Variants in MFAP3 observed in about 807,000 individuals in gnomAD.
MFAP3 encodes the protein microfibril associated protein 3, also known as microfibril-associated glycoprotein 3.
A neutral mutation model predicts 20.5 loss-of-function variants in MFAP3; 8 were observed. That is an observed-to-expected ratio of 0.39 (90% CI 0.23 to 0.70). MFAP3 has a LOEUF of 0.70. Among genes scored for constraint, MFAP3 ranks in the 30% least tolerant of loss-of-function variants. The pLI is 0.44. For synonymous variants in MFAP3, 140 were observed against 154.0 expected, an observed-to-expected ratio of 0.91 and a Z score of 0.67; for missense variants, 398 against 444.6, an observed-to-expected ratio of 0.90 and a Z score of 0.94.
At chr5:154,045,689 A>G (rs1354098286) in intron 1 of MFAP3, among the ~76,000 whole-genome samples, 1 of 152,162 alleles carries the variant, frequency 6.6e-6, no homozygotes, top group Non-Finnish European at 1.5e-5. Flanking sequence ...TATTTTGCCC[A>G]TTTTAAAGAT....
intron 1 of MFAP3, among the ~76,000 whole-genome samples, chr5:154,046,637 G>A (rs1436054747): frequency 1.3e-5 from 2 of 152,158 alleles, no homozygotes; most frequent in Admixed American, 6.5e-5. Context: ...GGAAGTTTGC[G>A]GGAAGGCAGA....
At chr5:154,048,140 A>G (rs114087865) in intron 1 of MFAP3, among the ~76,000 whole-genome samples, 1,795 of 152,304 alleles carry the variant, frequency 0.012, 42 homozygotes, top group African/African-American at 0.04. Context: ...ATCACTGTGC[A>G]CTGAATCAAT....
rs1387843244 is a variant in MFAP3, at chr5:154,057,441, C to T, written c.*3728C>T. 6.6e-6 allele frequency among the ~76,000 whole-genome samples: 1 copy of T among 152,036 alleles called. No homozygotes were observed. Among genetic ancestry groups the T allele is most frequent in the Non-Finnish European group, 1.5e-5 (1 of 68,008 alleles). On this transcript the variant is annotated 3_prime_UTR_variant, in exon 3 of 3. Coordinates refer to ENST00000522782, the MANE Select transcript of MFAP3 (RefSeq NM_005927.5). ...TTAAACGTTCAATGGAGTATATAGT[C>T]TATTTGAAATTTTCTATAGTGTATG...
Position 154,053,563 on chromosome 5 carries a change from A to C in MFAP3, c.939A>C (p.Ala313=). Residue 313 remains alanine (A), a synonymous_variant, in exon 3 of 3, where the codon GCA becomes GCC. Coordinates refer to ENST00000522782, the MANE Select transcript of MFAP3 (RefSeq NM_005927.5). ...GSLNEQGQEI[A]VQVSVHLQSE... ...TGAATGAACAAGGCCAGGAAATAGC[A>C]GTTCAGGTTTCTGTCCACCTTCAGT... 1 of 1,613,986 alleles carries C rather than the reference A, an allele frequency of 6.2e-7. No individual in the cohort carries two copies. The highest frequency in any genetic ancestry group is 8.5e-7 in the Non-Finnish European group (1 of 1,179,948).
rs774089662 is a variant in MFAP3 at position 154,053,370 on chromosome 5, G to A, written c.746G>A (p.Arg249Gln). The A allele has an allele frequency of 1.2e-6, 2 of 1,613,778 alleles. No individual in the cohort carries two copies. The highest frequency in any genetic ancestry group is 2.2e-5 in the East Asian group (1 of 44,882). ...VPLPPLILNCRAFVEEMFEAV... is the reference protein window; with the variant it reads ...VPLPPLILNCQAFVEEMFEAV... ...CTTCCACCTCTTATTCTAAACTGTCGAGCCTTTGTTGAGGAGATGTTTGAG... is the reference window on the plus strand; with the variant it reads ...CTTCCACCTCTTATTCTAAACTGTCAAGCCTTTGTTGAGGAGATGTTTGAG... Residue 249 changes from arginine to glutamine, a missense_variant, in exon 3 of 3, where the codon CGA becomes CAA. Arg to Gln is a conservative substitution (Grantham distance 43). Coordinates refer to ENST00000522782, the MANE Select transcript of MFAP3 (RefSeq NM_005927.5).
intron 1 of MFAP3, among the ~76,000 whole-genome samples, chr5:154,042,341 C>G (rs1405554826): frequency 6.6e-6 from 1 of 152,128 alleles, no homozygotes; most frequent in Non-Finnish European, 1.5e-5. Flanking sequence ...CTGAAATAAT[C>G]CTGGGTTTAA....
At position 154,053,113 on chromosome 5, in the gene MFAP3, C is replaced by T. The variant is rs749082055; in HGVS notation, c.489C>T (p.Leu163=). The T allele has an allele frequency of 8.7e-6, 14 of 1,613,760 alleles. No homozygotes were observed. The highest frequency in any genetic ancestry group is 1.1e-5 in the Non-Finnish European group (13 of 1,179,918). ...GCCTGATTGCCTTTACAATCACACT[C>T]ATCTTGAATGTCACACGGCTGTGCA... ...IVCLIAFTIT[L]ILNVTRLCMM... Residue 163 remains leucine, a synonymous_variant, in exon 3 of 3, where the codon CTC becomes CTT. Coordinates refer to ENST00000522782, the MANE Select transcript of MFAP3 (RefSeq NM_005927.5).
intron 1 of MFAP3, among the ~76,000 whole-genome samples, chr5:154,042,848 C>A (rs1240053857): frequency 1.3e-5 from 2 of 150,784 alleles, no homozygotes; most frequent in African/African-American, 4.9e-5. Context: ...AAAAAAAATA[C>A]CACCTGGGCA....
chr5:154,050,332 C>T (rs1290680330), intron 2 of MFAP3, among the ~76,000 whole-genome samples: 1 of 152,108 alleles, frequency 6.6e-6, no homozygotes, highest in Non-Finnish European at 1.5e-5. Context: ...TACAGCTGTA[C>T]AGGTGGTATA....
At chr5:154,046,695 A>G (rs1773078654) in intron 1 of MFAP3, among the ~76,000 whole-genome samples, 1 of 152,082 alleles carries the variant, frequency 6.6e-6, no homozygotes, top group Admixed American at 6.5e-5. Context: ...TGGTGAGGAC[A>G]CTCATTGCCC....
chr5:154,053,473 C>T lies in MFAP3; in HGVS notation c.849C>T (p.Ile283=). 6.2e-7 allele frequency: 1 copy of T among 1,613,868 alleles called. No individual in the cohort carries two copies. The highest frequency in any genetic ancestry group is 8.5e-7 in the Non-Finnish European group (1 of 1,179,948). The change falls in exon 3 of 3, where the codon ATC becomes ATT. Residue 283 remains isoleucine (I), a synonymous_variant. Transcript: ENST00000522782. ...CTGCCTTGAATGCTCAAGGTGGCAT[C>T]TATGTCATTAACCCAGAGATGGGAC... ...ERPALNAQGG[I]YVINPEMGRS... is the part of the protein sequence containing the mutation.
rs971051229 is a variant in MFAP3 at position 154,055,741 on chromosome 5, G to T, written c.*2028G>T. 2.0e-5 allele frequency among the ~76,000 whole-genome samples: 3 copies of T among 152,090 alleles called. No homozygotes were observed. The highest frequency in any genetic ancestry group is 4.4e-5 in the Non-Finnish European group (3 of 68,016). ...CTGCTTCAGCCTCCCAAGCAGCTAG[G>T]ACTACAGGTGTGCACCACCTTTCCT... On this transcript the variant is annotated 3_prime_UTR_variant, in exon 3 of 3. Transcript: ENST00000522782.
In MFAP3 at chr5:154,049,856, C is replaced by A; in HGVS notation, c.134C>A (p.Pro45His). ...ANRSSYNASF[P>H]SSFELSASSH... ...CGTAGTTCTTACAATGCATCCTTTCCCTCAAGCTTTGAACTCTCAGCAAGT... is the reference window on the plus strand; with the variant it reads ...CGTAGTTCTTACAATGCATCCTTTCACTCAAGCTTTGAACTCTCAGCAAGT... The change falls in exon 2 of 3, where the codon CCC becomes CAC. Residue 45 changes from proline (P) to histidine (H), a missense_variant. Transcript: ENST00000522782. The A allele has an allele frequency of 6.2e-7, 1 of 1,613,704 alleles. No individual in the cohort carries two copies. The highest frequency in any genetic ancestry group is 1.3e-5 in the African/African-American group (1 of 75,014).
rs774055709 is a variant in MFAP3, at chr5:154,049,843, A to G, written c.121A>G (p.Asn41Asp). 6.2e-7 allele frequency: 1 copy of G among 1,613,750 alleles called. No individual in the cohort carries two copies. The highest frequency in any genetic ancestry group is 1.7e-5 in the Admixed American group (1 of 59,972). Reference sequence around the variant, plus strand: ...ACTGGAAGCAAATCGTAGTTCTTACAATGCATCCTTTCCCTCAAGCTTTGA... The same window carrying G: ...ACTGGAAGCAAATCGTAGTTCTTACGATGCATCCTTTCCCTCAAGCTTTGA... ...VSLEANRSSY[N>D]ASFPSSFELS... Residue 41 changes from asparagine (N) to aspartate (D), a missense_variant, in exon 2 of 3, where the codon AAT becomes GAT. Physicochemically the swap from Asn to Asp is conservative, Grantham distance 23 (BLOSUM62 1). Transcript: ENST00000522782.
chr5:154,040,005 C>G (rs190381207), intron 1 of MFAP3, among the ~76,000 whole-genome samples: 1 of 152,070 alleles, frequency 6.6e-6, no homozygotes, highest in African/African-American at 2.4e-5. Context: ...ACAAAAAAAC[C>G]CCTGCTTAAA....
At position 154,050,031 on chromosome 5, in the gene MFAP3, G is replaced by A. The variant is rs766591869; in HGVS notation, c.295+14G>A. On this transcript the variant is annotated intron_variant, in intron 2 of 2. Coordinates refer to ENST00000522782, the MANE Select transcript of MFAP3 (RefSeq NM_005927.5). Reference sequence around the variant, plus strand: ...GCAGAAGCAGAGGTAATTGGTCAGGGTATAATTAATCAAGGTTACTCATTT... The same window carrying A: ...GCAGAAGCAGAGGTAATTGGTCAGGATATAATTAATCAAGGTTACTCATTT... 1.3e-6 allele frequency: 2 copies of A among 1,574,078 alleles called. No individual in the cohort carries two copies. The highest frequency in any genetic ancestry group is 4.5e-5 in the East Asian group (2 of 44,258).
rs548379599 is a variant in MFAP3, at chr5:154,054,075, A to G, written c.*362A>G. 4.9e-5 allele frequency: 10 copies of G among 204,558 alleles called. No individual in the cohort carries two copies. In the East Asian group the frequency reaches 1.3e-3, roughly 27 times the overall value. 12.7% of individuals were successfully genotyped at this position (204,558 alleles called of 1,614,324 possible). The stretch of plus-strand genomic sequence containing the variant: ...TTGGGACTTCAGTTTTTCCGTCAAT[A>G]AGATGAGGGATTAGGTGAGATCTGA... On this transcript the variant is annotated 3_prime_UTR_variant, in exon 3 of 3. Coordinates refer to ENST00000522782, the MANE Select transcript of MFAP3 (RefSeq NM_005927.5).
intron 1 of MFAP3, among the ~76,000 whole-genome samples, chr5:154,044,094 G>A (rs933898927): frequency 3.9e-5 from 6 of 152,200 alleles, no homozygotes; most frequent in African/African-American, 1.4e-4. Context: ...TTTCAAGCTG[G>A]TTTGTAAATT....
At chr5:154,043,262 A>C (rs569799714) in intron 1 of MFAP3, among the ~76,000 whole-genome samples, 4 of 152,296 alleles carry the variant, frequency 2.6e-5, no homozygotes, top group African/African-American at 9.6e-5. Context: ...GAAGAAAGGT[A>C]ATATAGGCTG....
Sources: gnomAD v4.1 joint callset for allele counts (sites outside exome capture counted in the v4.1 genomes callset) on GRCh38, gnomAD v4.1.1 for gene constraint, MANE v1.5 for transcripts, NCBI Gene and HGNC (gene_info 2026-07-23, HGNC 2026-07-21) for gene names.